The following MYO6 variants were observed in gnomAD, a reference collection of about 807,000 sequenced individuals.
MYO6 encodes the protein myosin VI.
A neutral mutation model predicts 178.7 loss-of-function variants in MYO6; 74 were observed. The ratio of observed to expected loss-of-function variants is 0.41; its 90% CI spans 0.34 to 0.50. The LOEUF (loss-of-function observed/expected upper bound fraction) is 0.50. Among genes scored for constraint, MYO6 ranks in the 20% least tolerant of loss-of-function variants. MYO6 has a pLI of 0.09. For synonymous variants in MYO6, 477 were observed against 504.6 expected, an observed-to-expected ratio of 0.95 and a Z score of 0.73; for missense variants, 1,330 against 1,547.4, an observed-to-expected ratio of 0.86 and a Z score of 2.36.
intron 1 of MYO6, among the ~76,000 whole-genome samples, chr6:75,798,671 A>G (rs1769107039): frequency 1.3e-5 from 2 of 152,238 alleles, no homozygotes; most frequent in African/African-American, 4.8e-5. Context: ...TGGACTGAAC[A>G]GGCAAAAGCT....
chr6:75,787,348 A>G (rs1350791550), intron 1 of MYO6, among the ~76,000 whole-genome samples: 1 of 152,184 alleles, frequency 6.6e-6, no homozygotes, highest in East Asian at 1.9e-4. Context: ...TCCAGTATCC[A>G]TCAGCAAATC....
chr6:75,862,367 A>G (rs556670997), intron 15 of MYO6, among the ~76,000 whole-genome samples: 1 of 152,318 alleles, frequency 6.6e-6, no homozygotes, highest in South Asian at 2.1e-4. Flanking sequence ...TTCTTTATGT[A>G]GTAGCTTTTC....
intron 1 of MYO6, among the ~76,000 whole-genome samples, chr6:75,801,092 G>GT (rs1463933993): frequency 2.0e-5 from 3 of 152,152 alleles, no homozygotes. Flanking sequence ...GTTTAAAGCC[G>GT]TAAGACTAGA....
chr6:75,907,191 T>C (rs935857157), intron 30 of MYO6, among the ~76,000 whole-genome samples: 1 of 152,224 alleles, frequency 6.6e-6, no homozygotes, highest in African/African-American at 2.4e-5. Flanking sequence ...TGCAGCCTCA[T>C]TGCTCATAAA....
Position 75,918,224 on chromosome 6 carries a change from A to G in MYO6, c.*3212A>G, listed in dbSNP as rs1310232676. 1 of 152,194 alleles carries G rather than the reference A, an allele frequency of 6.6e-6. No individual in the cohort carries two copies. Among genetic ancestry groups the G allele is most frequent in the African/African-American group, 2.4e-5 (1 of 41,436 alleles). The allele number at this position is 152,194 out of a possible 1,614,324, so 9.4% of individuals were successfully genotyped here. On this transcript the variant is annotated 3_prime_UTR_variant, in exon 35 of 35. Transcript: ENST00000369977. ...AATAATAACAAGTATTGAGAGTTTT[A>G]AAATTTCTCCCAGAAGATAAACTAA...
At chr6:75,773,464 T>C (rs1325762785) in intron 1 of MYO6, among the ~76,000 whole-genome samples, 1 of 152,212 alleles carries the variant, frequency 6.6e-6, no homozygotes, top group Non-Finnish European at 1.5e-5. Flanking sequence ...CAATCAGTAT[T>C]TTTTGGTGAA....
At chr6:75,785,818 G>A (rs1054876905) in intron 1 of MYO6, among the ~76,000 whole-genome samples, 7 of 151,806 alleles carry the variant, frequency 4.6e-5, no homozygotes, top group South Asian at 2.1e-4. Flanking sequence ...AGTTGTCCCC[G>A]TGGCATTTAT....
chr6:75,914,711 G>T, intron 34 of MYO6, 102 bp from the exon 35 acceptor site: 2 of 1,147,330 alleles, frequency 1.7e-6, no homozygotes, highest in South Asian at 1.3e-5. Context: ...GTCTTAGGAA[G>T]TTTTCAAATC....
chr6:75,773,586 A>C (rs1766096262), intron 1 of MYO6, among the ~76,000 whole-genome samples: 1 of 152,204 alleles, frequency 6.6e-6, no homozygotes, highest in Non-Finnish European at 1.5e-5. Context: ...GCCAGGATTG[A>C]GAGATGGATT....
chr6:75,802,471 AAAAAAAAATT>A (rs1218426843), intron 1 of MYO6, among the ~76,000 whole-genome samples: 1 of 100,982 alleles, frequency 9.9e-6, no homozygotes, highest in East Asian at 3.6e-4. Flanking sequence ...TCAGTATCAA[AAAAAAAAATT>A]TTTTTTTTTT....
intron 1 of MYO6, among the ~76,000 whole-genome samples, chr6:75,776,883 C>A (rs1562141393): frequency 6.6e-6 from 1 of 152,036 alleles, no homozygotes; most frequent in African/African-American, 2.4e-5. Flanking sequence ...AAATGTTTTA[C>A]AATTCTATTT....
chr6:75,800,830 C>T (rs528443507), intron 1 of MYO6, among the ~76,000 whole-genome samples: 7 of 152,268 alleles, frequency 4.6e-5, no homozygotes, highest in South Asian at 2.1e-4. Context: ...AAGCAGTTCT[C>T]GTGTGTCAGC....
intron 9 of MYO6, among the ~76,000 whole-genome samples, chr6:75,844,024 CTG>C (rs1460910196): frequency 6.6e-6 from 1 of 152,154 alleles, no homozygotes; most frequent in Non-Finnish European, 1.5e-5. Context: ...ATCCTGTTCT[CTG>C]TGTACATCCT....
At chr6:75,844,224 C>T (rs1774515533) in intron 9 of MYO6, among the ~76,000 whole-genome samples, 1 of 152,064 alleles carries the variant, frequency 6.6e-6, no homozygotes, top group Non-Finnish European at 1.5e-5. Flanking sequence ...CTTGTTGATA[C>T]CAGTAGATTT....
rs1437908614 is a variant in MYO6, at chr6:75,880,079, T to G, written c.2245T>G (p.Tyr749Asp). The part of the protein sequence containing the change: ...FKALGLNEND[Y>D]KFGLTKVFFR... Reference sequence around the variant, plus strand: ...AGCTTTGGGCTTAAATGAAAATGACTACAAGTTTGGGTTAACCAAAGTATT... The same window carrying G: ...AGCTTTGGGCTTAAATGAAAATGACGACAAGTTTGGGTTAACCAAAGTATT... The change falls in exon 22 of 35, where the codon TAC (tyrosine) becomes GAC (aspartate). Residue 749 changes from tyrosine (Y) to aspartate (D), a missense_variant. Tyr to Asp is a radical substitution (Grantham distance 160). This residue lies in a region of MYO6 where 613 missense variants were observed against 816.8 expected (regional missense o/e 0.75). Coordinates refer to ENST00000369977, the MANE Select transcript of MYO6 (RefSeq NM_004999.4). 1 of 1,612,050 alleles carries G rather than the reference T, an allele frequency of 6.2e-7. No individual in the cohort carries two copies. Among genetic ancestry groups the G allele is most frequent in the South Asian group, 1.1e-5 (1 of 90,944 alleles).
At chr6:75,841,146 A>G in intron 8 of MYO6, 68 bp from the exon 9 acceptor site, 1 of 1,432,634 alleles carries the variant, frequency 7.0e-7, no homozygotes, top group South Asian at 1.2e-5. Context: ...TAAATAATTT[A>G]ACATTGGTTA....
At chr6:75,761,437 G>A (rs1229756622) in intron 1 of MYO6, among the ~76,000 whole-genome samples, 1 of 152,148 alleles carries the variant, frequency 6.6e-6, no homozygotes, top group Non-Finnish European at 1.5e-5. Context: ...TTATAGGGAT[G>A]CATTCTACTA....
At position 75,892,546 on chromosome 6, in the gene MYO6, A is replaced by C. The variant is rs780907017; in HGVS notation, c.2963A>C (p.Gln988Pro). 5.6e-6 allele frequency: 9 copies of C among 1,613,884 alleles called. No individual in the cohort carries two copies. The African/African-American group carries it at 8.0e-5, about 14-fold the overall frequency. ...CCTTGTCAGGCTGAAGTGGAGGCAC[A>C]GCTGGCCCGACAGAAGGAGGAGGAA... ...EKRIQAEVEAQLARQKEEESQ... is the reference protein window; with the variant it reads ...EKRIQAEVEAPLARQKEEESQ... The change falls in exon 28 of 35, where the codon CAG becomes CCG. Residue 988 changes from glutamine to proline, a missense_variant. By Grantham distance (76) the Gln-to-Pro change is moderately conservative (BLOSUM62 -1). Around this residue, in one of 3 missense-constraint regions of MYO6, gnomAD observed 601 missense variants for 626.1 expected, o/e 0.96. Transcript: ENST00000369977.
chr6:75,858,503 G>A (rs1382089848), intron 13 of MYO6, among the ~76,000 whole-genome samples: 3 of 152,142 alleles, frequency 2.0e-5, no homozygotes, highest in African/African-American at 7.2e-5. Flanking sequence ...CTACTTGGGA[G>A]GCTCAGGCAT....
Sources: allele counts gnomAD v4.1 joint callset (sites outside exome capture counted in the v4.1 genomes callset), GRCh38; gene constraint gnomAD v4.1.1; regional missense constraint gnomAD v4.1.1; transcripts MANE v1.5; gene names NCBI Gene and HGNC (gene_info 2026-07-23, HGNC 2026-07-21).